The following ZBTB5 variants were observed in gnomAD, a reference collection of about 807,000 sequenced individuals.
ZBTB5 encodes zinc finger and BTB domain containing 5, also known as zinc finger and BTB domain-containing protein 5.
ZBTB5 carries 15 observed loss-of-function variants against 37.9 expected under a neutral mutation model. That is an observed-to-expected ratio of 0.40 (90% CI 0.26 to 0.61). The LOEUF (loss-of-function observed/expected upper bound fraction) is 0.61. Ranked by LOEUF, ZBTB5 falls within the 20% of genes least tolerant of loss-of-function variation. ZBTB5 has a pLI of 0.47. For missense variants in ZBTB5, 708 were observed against 856.8 expected, an observed-to-expected ratio of 0.83 and a Z score of 2.17; for synonymous variants, 315 against 312.4, an observed-to-expected ratio of 1.01 and a Z score of -0.09.
At chr9:37,462,101 G>A (rs1824304179) in intron 1 of ZBTB5, among the ~76,000 whole-genome samples, 1 of 151,962 alleles carries the variant, frequency 6.6e-6, no homozygotes, top group African/African-American at 2.4e-5. Flanking sequence ...CAAGTAGTTG[G>A]GACTACAGGT....
intron 1 of ZBTB5, among the ~76,000 whole-genome samples, chr9:37,452,250 A>T (rs1344786303): frequency 6.6e-6 from 1 of 152,250 alleles, no homozygotes; most frequent in Non-Finnish European, 1.5e-5. Context: ...GGCAGTTTCA[A>T]TTGCACTGAC....
chr9:37,449,358 A>G (rs1824055426), intron 1 of ZBTB5, among the ~76,000 whole-genome samples: 2 of 152,358 alleles, frequency 1.3e-5, no homozygotes, highest in Admixed American at 1.3e-4. Flanking sequence ...GGTATCACAC[A>G]TTGCACGGCC....
chr9:37,442,025 C>A lies in ZBTB5; in HGVS notation c.527G>T (p.Arg176Leu). Residue 176 changes from arginine to leucine, a missense_variant, in exon 2 of 2, where the codon CGC becomes CTC. By Grantham distance (102) the Arg-to-Leu change is moderately radical. Coordinates refer to ENST00000307750, the MANE Select transcript of ZBTB5 (RefSeq NM_014872.3). ...EQPAPMSSSM[R>L]SNLDQRTPFP... is the part of the protein sequence containing the mutation. The stretch of plus-strand genomic sequence containing the variant: ...GGGCGTGCGCTGATCCAGGTTACTG[C>A]GCATGGAAGAGCTCATGGGGGCTGG... 1 of 1,613,776 alleles carries A rather than the reference C, an allele frequency of 6.2e-7. No individual in the cohort carries two copies. Among genetic ancestry groups the A allele is most frequent in the Non-Finnish European group, 8.5e-7 (1 of 1,180,032 alleles).
chr9:37,452,121 G>T (rs1346073700), intron 1 of ZBTB5, among the ~76,000 whole-genome samples: 1 of 152,148 alleles, frequency 6.6e-6, no homozygotes, highest in African/African-American at 2.4e-5. Flanking sequence ...CCTTCTCAAG[G>T]CTAGTTTGGC....
Position 37,442,306 on chromosome 9 carries a change from G to A in ZBTB5, c.246C>T (p.Asp82=). ...GCATGAGGGTGGAGGTATACATCATGTCAATCAGTGCAGCAAAGGCCTCTG... is the reference window on the plus strand; with the variant it reads ...GCATGAGGGTGGAGGTATACATCATATCAATCAGTGCAGCAAAGGCCTCTG... ...VTAEAFAALI[D]MMYTSTLMLG... The change falls in exon 2 of 2, where the codon GAC becomes GAT. Residue 82 remains aspartate, a synonymous_variant. Transcript: ENST00000307750. The A allele has an allele frequency of 1.9e-6, 3 of 1,614,202 alleles. No homozygotes were observed. Among genetic ancestry groups the A allele is most frequent in the Non-Finnish European group, 2.5e-6 (3 of 1,180,036 alleles).
intron 1 of ZBTB5, among the ~76,000 whole-genome samples, chr9:37,459,540 CCT>C (rs1387506467): frequency 1.3e-5 from 2 of 151,832 alleles, no homozygotes; most frequent in African/African-American, 2.4e-5. Flanking sequence ...GTCTTTTACC[CCT>C]GACAGATCAA....
At chr9:37,458,760 A>G (rs1047451672) in intron 1 of ZBTB5, among the ~76,000 whole-genome samples, 11 of 152,240 alleles carry the variant, frequency 7.2e-5, no homozygotes, top group African/African-American at 2.7e-4. Flanking sequence ...TAACTCTGAA[A>G]TCAGTATTTT....
In ZBTB5 at chr9:37,441,210, A is replaced by G. The variant is rs1823866413; in HGVS notation, c.1342T>C (p.Leu448=). ...CRLESEAPYL[L]SPEAGPAGGP... is the part of the protein sequence containing the mutation. Reference sequence around the variant, plus strand: ...CCTGCAGGCCCAGCCTCTGGACTCAACAAATAGGGGGCCTCACTCTCCAGC... The same window carrying G: ...CCTGCAGGCCCAGCCTCTGGACTCAGCAAATAGGGGGCCTCACTCTCCAGC... The change falls in exon 2 of 2, where the codon TTG becomes CTG. Residue 448 remains leucine, a synonymous_variant. Coordinates refer to ENST00000307750, the MANE Select transcript of ZBTB5 (RefSeq NM_014872.3). 1 of 1,614,054 alleles carries G rather than the reference A, an allele frequency of 6.2e-7. No individual in the cohort carries two copies. The highest frequency in any genetic ancestry group is 1.7e-5 in the Admixed American group (1 of 59,996).
rs1401689475 is a variant in ZBTB5, at chr9:37,455,960, C to CT, written c.-5+9254dup. Among the ~76,000 whole-genome samples the CT allele has an allele frequency of 4.3e-5, 6 of 138,156 alleles. No homozygotes were observed. The East Asian group carries it at 6.3e-4, about 14-fold the overall frequency. 90.6% of individuals were successfully genotyped at this position (138,156 alleles called of 152,430 possible). The stretch of plus-strand genomic sequence containing the variant: ...TGCAGGCTAGGATTTTTTTTTTTTT[C>CT]TTTTTTTGAGGCAGGATCTCACTCT... On this transcript the variant is annotated intron_variant, in intron 1 of 1. Coordinates refer to ENST00000307750, the MANE Select transcript of ZBTB5 (RefSeq NM_014872.3).
chr9:37,462,236 T>C (rs893129312), intron 1 of ZBTB5, among the ~76,000 whole-genome samples: 1 of 152,222 alleles, frequency 6.6e-6, no homozygotes, highest in African/African-American at 2.4e-5. Context: ...AGCTATGGCA[T>C]AATGCTTACT....
intron 1 of ZBTB5, among the ~76,000 whole-genome samples, chr9:37,446,454 G>A (rs1823994377): frequency 6.6e-6 from 1 of 152,210 alleles, no homozygotes; most frequent in Admixed American, 6.5e-5. Context: ...TATCGGAAAA[G>A]CAAATGCCTC....
At chr9:37,443,837 G>C (rs1823928437) in intron 1 of ZBTB5, among the ~76,000 whole-genome samples, 1 of 152,170 alleles carries the variant, frequency 6.6e-6, no homozygotes, top group Admixed American at 6.5e-5. Flanking sequence ...GAAGGGGGAG[G>C]ATCACTTGAG....
chr9:37,456,959 A>C (rs1338737408), intron 1 of ZBTB5, among the ~76,000 whole-genome samples: 1 of 152,260 alleles, frequency 6.6e-6, no homozygotes, highest in Non-Finnish European at 1.5e-5. Context: ...TCTCATAGGA[A>C]AGTCCCTTAA....
chr9:37,440,720 C>T lies in ZBTB5; in HGVS notation c.1832G>A (p.Arg611His). 3 of 1,614,260 alleles carry T rather than the reference C, an allele frequency of 1.9e-6. No homozygotes were observed. Among genetic ancestry groups the T allele is most frequent in the East Asian group, 2.2e-5 (1 of 44,890 alleles). ...GCAGCAGATTTTGCAGGCATACTTG[C>T]GAGCTCCCTCTACAACCAAAACATT... ...EHNVLVVEGA[R>H]KYACKICCKT... is the part of the protein sequence containing the mutation. The change falls in exon 2 of 2, where the codon CGC (arginine) becomes CAC (histidine). Residue 611 changes from arginine to histidine, a missense_variant. Physicochemically the swap from Arg to His is conservative, Grantham distance 29. This residue lies in a region of ZBTB5 where 42 missense variants were observed against 107.9 expected (regional missense o/e 0.39). Transcript: ENST00000307750.
chr9:37,457,490 A>G (rs1776321919), intron 1 of ZBTB5, among the ~76,000 whole-genome samples: 2 of 152,242 alleles, frequency 1.3e-5, no homozygotes, highest in African/African-American at 4.8e-5. Flanking sequence ...TTGGCCTCCC[A>G]AAGTGCTGAG....
chr9:37,462,015 G>T (rs927208386), intron 1 of ZBTB5, among the ~76,000 whole-genome samples: 2 of 152,234 alleles, frequency 1.3e-5, no homozygotes, highest in East Asian at 3.9e-4. Flanking sequence ...GTCTCTTTAT[G>T]GGGGATAGGC....
At chr9:37,453,935 C>G (rs1341949511) in intron 1 of ZBTB5, among the ~76,000 whole-genome samples, 1 of 152,094 alleles carries the variant, frequency 6.6e-6, no homozygotes, top group Admixed American at 6.6e-5. Context: ...GAGAGTGATA[C>G]CAAAAACACT....
At chr9:37,443,940 G>A (rs563179395) in intron 1 of ZBTB5, among the ~76,000 whole-genome samples, 3 of 150,694 alleles carry the variant, frequency 2.0e-5, no homozygotes, top group South Asian at 2.1e-4. Context: ...AAAATTAGCC[G>A]AGCATGGTGG....
At position 37,441,225 on chromosome 9, in the gene ZBTB5, C is replaced by T; in HGVS notation, c.1327G>A (p.Glu443Lys). ...TCTGGACTCAACAAATAGGGGGCCT[C>T]ACTCTCCAGCCTGCAGTCACTAGTG... ...NTTSDCRLES[E>K]APYLLSPEAG... is the part of the protein sequence containing the mutation. The change falls in exon 2 of 2, where the codon GAG becomes AAG. Residue 443 changes from glutamate (E) to lysine (K), a missense_variant. Physicochemically the swap from Glu to Lys is moderately conservative, Grantham distance 56. Coordinates refer to ENST00000307750, the MANE Select transcript of ZBTB5 (RefSeq NM_014872.3). 1.2e-6 allele frequency: 2 copies of T among 1,614,210 alleles called. No individual in the cohort carries two copies. The highest frequency in any genetic ancestry group is 8.5e-7 in the Non-Finnish European group (1 of 1,180,036).
Sources: gnomAD v4.1 joint callset for allele counts (sites outside exome capture counted in the v4.1 genomes callset) on GRCh38, gnomAD v4.1.1 for gene constraint, gnomAD v4.1.1 regional missense constraint, MANE v1.5 for transcripts, NCBI Gene and HGNC (gene_info 2026-07-23, HGNC 2026-07-21) for gene names.